SLC38A1: variants seen among roughly 807,000 people sequenced by gnomAD.
The protein encoded by SLC38A1 is solute carrier family 38 member 1.
Under a neutral mutation model 60.3 loss-of-function variants are expected in SLC38A1, and 18 were observed. The observed-to-expected ratio is 0.30, with a 90% CI of 0.21 to 0.44. SLC38A1 has a LOEUF of 0.44. SLC38A1 is among the 20% of genes least tolerant of loss of function. The pLI is 1.00. For missense variants in SLC38A1, 448 were observed against 587.2 expected, an observed-to-expected ratio of 0.76 and a Z score of 2.45; for synonymous variants, 196 against 212.1, an observed-to-expected ratio of 0.92 and a Z score of 0.66.
chr12:46,262,709 A>T (rs1942236510), intron 1 of SLC38A1, among the ~76,000 whole-genome samples: 1 of 152,268 alleles, frequency 6.6e-6, no homozygotes, highest in African/African-American at 2.4e-5. Flanking sequence ...AAAAACAGAA[A>T]TAATAAGAAC....
intron 5 of SLC38A1, among the ~76,000 whole-genome samples, chr12:46,225,702 G>A (rs932470572): frequency 2.6e-5 from 4 of 152,128 alleles, no homozygotes; most frequent in African/African-American, 9.7e-5. Flanking sequence ...ACTCATGTGC[G>A]CCAGGCTCAA....
At chr12:46,213,217 G>A (rs1432245946) in intron 5 of SLC38A1, among the ~76,000 whole-genome samples, 1 of 152,132 alleles carries the variant, frequency 6.6e-6, no homozygotes, top group African/African-American at 2.4e-5. Flanking sequence ...TTCTTTCAAG[G>A]TAATCTATTT....
intron 1 of SLC38A1, among the ~76,000 whole-genome samples, chr12:46,263,653 C>T (rs1341905057): frequency 6.6e-6 from 1 of 151,966 alleles, no homozygotes; most frequent in Non-Finnish European, 1.5e-5. Flanking sequence ...TAGCCTATCC[C>T]TTTCTTTTTC....
intron 16 of SLC38A1, among the ~76,000 whole-genome samples, chr12:46,190,610 T>A (rs1402977000): frequency 1.3e-5 from 2 of 152,232 alleles, no homozygotes; most frequent in East Asian, 3.8e-4. Context: ...GTCTTCTGAC[T>A]TTTTAATGAT....
chr12:46,222,778 C>T (rs990113176), intron 5 of SLC38A1, among the ~76,000 whole-genome samples: 1 of 152,170 alleles, frequency 6.6e-6, no homozygotes, highest in African/African-American at 2.4e-5. Context: ...ATTGCACATG[C>T]AGGAACCCAC....
intron 5 of SLC38A1, among the ~76,000 whole-genome samples, chr12:46,212,888 G>A (rs536193858): frequency 3.3e-5 from 5 of 152,252 alleles, no homozygotes; most frequent in African/African-American, 9.6e-5. Context: ...AATCACTGTC[G>A]CTACTTCTAT....
At chr12:46,231,217 T>A (rs1307672231) in intron 3 of SLC38A1, among the ~76,000 whole-genome samples, 6 of 152,192 alleles carry the variant, frequency 3.9e-5, no homozygotes. Flanking sequence ...CTGAATGTTC[T>A]TACTCATAAG....
At chr12:46,234,943 G>A (rs1276621493) in intron 3 of SLC38A1, among the ~76,000 whole-genome samples, 1 of 152,114 alleles carries the variant, frequency 6.6e-6, no homozygotes. Context: ...CCTTTGACAT[G>A]TTATCTCAGG....
At chr12:46,199,073 C>A (rs779593177) in intron 13 of SLC38A1, among the ~76,000 whole-genome samples, 6 of 151,886 alleles carry the variant, frequency 4.0e-5, no homozygotes, top group Admixed American at 2.0e-4. Flanking sequence ...TTAATCTAGA[C>A]TTTCCCTCCA....
At chr12:46,238,500 C>T (rs1277597202) in intron 3 of SLC38A1, among the ~76,000 whole-genome samples, 1 of 152,130 alleles carries the variant, frequency 6.6e-6, no homozygotes, top group African/African-American at 2.4e-5. Context: ...TCCCAATTTC[C>T]TTTTGACCCT....
intron 16 of SLC38A1, among the ~76,000 whole-genome samples, chr12:46,191,500 T>C (rs1189406948): frequency 2.6e-5 from 4 of 152,226 alleles, no homozygotes; most frequent in African/African-American, 9.6e-5. Flanking sequence ...GGGGATAGCA[T>C]TGAATCTATA....
At chr12:46,260,556 T>C (rs1388379963) in intron 1 of SLC38A1, among the ~76,000 whole-genome samples, 2 of 152,224 alleles carry the variant, frequency 1.3e-5, no homozygotes, top group Non-Finnish European at 1.5e-5. Flanking sequence ...ATAAATTCTT[T>C]TCAGACTCCT....
intron 1 of SLC38A1, among the ~76,000 whole-genome samples, chr12:46,246,575 G>A (rs1941627216): frequency 6.6e-6 from 1 of 152,244 alleles, no homozygotes; most frequent in Admixed American, 6.5e-5. Context: ...ACCTCTGGGG[G>A]CAGAGCATAG....
chr12:46,243,023 T>C (rs1941497563), intron 2 of SLC38A1, among the ~76,000 whole-genome samples, 177 bp downstream of exon 2: 1 of 151,980 alleles, frequency 6.6e-6, no homozygotes, highest in Non-Finnish European at 1.5e-5. Context: ...AGTATCATAT[T>C]GTAAGCATTT....
intron 3 of SLC38A1, among the ~76,000 whole-genome samples, chr12:46,237,734 T>A (rs1941308494): frequency 6.6e-6 from 1 of 151,870 alleles, no homozygotes. Flanking sequence ...GATTCTAAAC[T>A]GACTATTATA....
chr12:46,255,368 T>G (rs546741868), intron 1 of SLC38A1, among the ~76,000 whole-genome samples: 4 of 152,334 alleles, frequency 2.6e-5, no homozygotes, highest in African/African-American at 4.8e-5. Flanking sequence ...CTGTTGTGCT[T>G]TTACTCCAAT....
intron 1 of SLC38A1, among the ~76,000 whole-genome samples, chr12:46,254,595 C>T (rs936776936): frequency 9.2e-5 from 14 of 152,200 alleles, no homozygotes; most frequent in Non-Finnish European, 1.0e-4. Flanking sequence ...GTAAATTTCT[C>T]TCCTTTTGAG....
chr12:46,220,940 G>A (rs10880940), intron 5 of SLC38A1, among the ~76,000 whole-genome samples: 26,163 of 152,082 alleles, frequency 0.17, 3,723 homozygotes, highest in East Asian at 0.45. Context: ...TTAGGGCAAC[G>A]TGCTGATGGG....
At chr12:46,226,405 A>G (rs1433604704) in intron 5 of SLC38A1, among the ~76,000 whole-genome samples, 2 of 152,120 alleles carry the variant, frequency 1.3e-5, no homozygotes, top group Non-Finnish European at 2.9e-5. Context: ...TTAAGCTCCT[A>G]TAAATATAGT....
Sources: gnomAD v4.1 joint callset for allele counts (sites outside exome capture counted in the v4.1 genomes callset) on GRCh38, gnomAD v4.1.1 for gene constraint, MANE v1.5 for transcripts, NCBI Gene and HGNC (gene_info 2026-07-23, HGNC 2026-07-21) for gene names.